The following SPDYE14 variants were observed in gnomAD, a reference collection of about 807,000 sequenced individuals.
The protein encoded by SPDYE14 is speedy/RINGO cell cycle regulator family member E14, also known as speedy protein E14.
the SPDYE14 span, among the ~76,000 whole-genome samples, chr7:75,254,700 C>T: frequency 7.0e-3 from 81 of 11,618 alleles, no homozygotes; most frequent in Middle Eastern, 0.042. Context: ...CCTTCCCCTC[C>T]CCTTCCCCTC....
the SPDYE14 span, among the ~76,000 whole-genome samples, chr7:75,279,296 C>CTT: frequency 8.1e-5 from 5 of 61,992 alleles, no homozygotes; most frequent in South Asian, 7.0e-4. Flanking sequence ...TTTTCTTTTT[C>CTT]TTTCTTTTGA....
chr7:75,246,064 CT>C, the SPDYE14 span, among the ~76,000 whole-genome samples: 2 of 1,702 alleles, frequency 1.2e-3, no homozygotes, highest in African/African-American at 1.8e-3. Context: ...CCCGCACCAA[CT>C]TTTTTTTTTT....
chr7:75,273,244 A>G, the SPDYE14 span, among the ~76,000 whole-genome samples: 1 of 57,400 alleles, frequency 1.7e-5, no homozygotes, highest in Non-Finnish European at 4.5e-5. Context: ...GCCAATTAAA[A>G]CTCTTTTCTT....
chr7:75,275,143 G>A, the SPDYE14 span, among the ~76,000 whole-genome samples: 32 of 62,024 alleles, frequency 5.2e-4, 4 homozygotes, highest in African/African-American at 1.2e-3. Flanking sequence ...CGCCCCGTCC[G>A]GGAGGTGAGG....
upstream of SPDYE14, among the ~76,000 whole-genome samples, chr7:75,306,827 G>A (rs1271842921): frequency 6.3e-5 from 1 of 15,956 alleles, no homozygotes; most frequent in East Asian, 1.9e-3. Flanking sequence ...GTGTAGTGTC[G>A]TGATCTCGGC....
chr7:75,275,088 C>A, the SPDYE14 span, among the ~76,000 whole-genome samples: 19 of 60,360 alleles, frequency 3.1e-4, no homozygotes, highest in Non-Finnish European at 4.9e-4. Context: ...CCAGCCGCCC[C>A]CTCCGGGAGG....
chr7:75,249,852 C>T, the SPDYE14 span, among the ~76,000 whole-genome samples: 6 of 122,244 alleles, frequency 4.9e-5, no homozygotes, highest in African/African-American at 2.0e-4. Flanking sequence ...TTTTGTATAG[C>T]GGAGATGGGG....
chr7:75,261,119 GTC>G, the SPDYE14 span, among the ~76,000 whole-genome samples: 1 of 93,126 alleles, frequency 1.1e-5, no homozygotes, highest in Non-Finnish European at 2.6e-5. Context: ...GTGAGATTCT[GTC>G]TCAAAAAGGA....
the SPDYE14 span, among the ~76,000 whole-genome samples, chr7:75,258,137 GTTTC>G: frequency 2.6e-4 from 14 of 54,490 alleles, 4 homozygotes; most frequent in Admixed American, 2.8e-4. Context: ...TGCCTGCACA[GTTTC>G]TTTCTTTCTT....
the SPDYE14 span, among the ~76,000 whole-genome samples, chr7:75,254,449 GT>G: frequency 4.2e-5 from 1 of 23,944 alleles, no homozygotes; most frequent in African/African-American, 9.8e-5. Flanking sequence ...AAAAATAGGT[GT>G]TTGTCAAGTG....
the SPDYE14 span, among the ~76,000 whole-genome samples, chr7:75,276,864 CA>C: frequency 3.1e-5 from 3 of 96,102 alleles, no homozygotes; most frequent in African/African-American, 7.2e-5. Flanking sequence ...CCCATCTCTA[CA>C]AAAAAATTTT....
the SPDYE14 span, among the ~76,000 whole-genome samples, chr7:75,268,874 A>G: frequency 1.6e-4 from 4 of 25,218 alleles, no homozygotes; most frequent in Admixed American, 6.1e-4. Context: ...AGAGAGAGAG[A>G]GAGAGAGAGA....
At chr7:75,247,543 A>C in the SPDYE14 span, among the ~76,000 whole-genome samples, 1 of 106,656 alleles carries the variant, frequency 9.4e-6, no homozygotes, top group Non-Finnish European at 2.3e-5. Flanking sequence ...AAAAGCAGGA[A>C]GGAAGGAAAA....
the SPDYE14 span, among the ~76,000 whole-genome samples, chr7:75,247,745 A>AT: frequency 5.2e-4 from 11 of 21,232 alleles, no homozygotes; most frequent in Admixed American, 1.1e-3. Flanking sequence ...TGCCCAGTTA[A>AT]TTTTTTTTTT....
At chr7:75,276,590 A>AC in the SPDYE14 span, among the ~76,000 whole-genome samples, 1 of 42,250 alleles carries the variant, frequency 2.4e-5, no homozygotes, top group African/African-American at 5.3e-5. Context: ...AAAAAAAAAA[A>AC]AAAAAAACAA....
chr7:75,241,693 A>ATTTT, the SPDYE14 span, among the ~76,000 whole-genome samples: 1 of 22,704 alleles, frequency 4.4e-5, no homozygotes, highest in African/African-American at 1.0e-4. Flanking sequence ...ATATATATAT[A>ATTTT]TATTTTTTTT....
chr7:75,240,233 A>AG, the SPDYE14 span, among the ~76,000 whole-genome samples: 2 of 40,520 alleles, frequency 4.9e-5, 1 homozygote, highest in Non-Finnish European at 1.1e-4. Flanking sequence ...CTCAAAAAAA[A>AG]AAAAATGTTG....
At chr7:75,261,038 T>C in the SPDYE14 span, among the ~76,000 whole-genome samples, 1 of 78,352 alleles carries the variant, frequency 1.3e-5, no homozygotes, top group African/African-American at 3.1e-5. Context: ...GGCAGGAGAA[T>C]CACTTGAACC....
the SPDYE14 span, among the ~76,000 whole-genome samples, chr7:75,261,107 G>C: frequency 1.1e-5 from 1 of 93,112 alleles, no homozygotes; most frequent in Non-Finnish European, 2.6e-5. Flanking sequence ...CCTGGGTGAC[G>C]AGTGAGATTC....
Sources: allele counts gnomAD v4.1 joint callset (sites outside exome capture counted in the v4.1 genomes callset), GRCh38; gene constraint gnomAD v4.1.1; transcripts MANE v1.5; gene names NCBI Gene and HGNC (gene_info 2026-07-23, HGNC 2026-07-21).